The following TESPA1 variants were observed in gnomAD, a reference collection of about 807,000 sequenced individuals.
TESPA1 encodes thymocyte expressed, positive selection associated 1.
Under a neutral mutation model 57.9 loss-of-function variants are expected in TESPA1, and 33 were observed. The ratio of observed to expected loss-of-function variants is 0.57; its 90% confidence interval spans 0.43 to 0.76. The LOEUF (loss-of-function observed/expected upper bound fraction) is 0.76. Ranked by LOEUF, TESPA1 falls within the 30% of genes least tolerant of loss-of-function variation. The probability of loss-of-function intolerance (pLI) is 0.00; values close to 1 mark genes in which losing one functional copy is unlikely to be tolerated. For synonymous variants in TESPA1, 227 were observed against 228.9 expected (o/e 0.99, Z 0.07); for missense variants, 618 against 632.9 (o/e 0.98, Z 0.25).
At chr12:54,970,207 G>A (rs1373939348) in intron 3 of TESPA1, among the ~76,000 whole-genome samples, 4 of 152,112 alleles carry the variant, frequency 2.6e-5, no homozygotes, top group African/African-American at 9.7e-5. Context: ...CAAAGTGCTG[G>A]GGTTACAGGC....
chr12:54,973,864 G>A, intron 2 of TESPA1: 1 of 1,086,800 alleles, frequency 9.2e-7, no homozygotes, highest in Non-Finnish European at 1.1e-6. Context: ...TGTGCTTTTT[G>A]CTTCCTACCA....
intron 7 of TESPA1, among the ~76,000 whole-genome samples, chr12:54,965,500 C>T (rs2136122484): frequency 6.6e-6 from 1 of 152,264 alleles, no homozygotes; most frequent in Non-Finnish European, 1.5e-5. Context: ...CCAGCTCTAT[C>T]CATGTCCCTG....
intron 3 of TESPA1, among the ~76,000 whole-genome samples, chr12:54,969,100 A>G (rs967707898): frequency 2.8e-5 from 4 of 145,412 alleles, no homozygotes; most frequent in Non-Finnish European, 6.0e-5. Flanking sequence ...AACTCCTTTC[A>G]ATAGCAAAAA....
intron 3 of TESPA1, among the ~76,000 whole-genome samples, chr12:54,971,028 A>G (rs1488521380): frequency 6.6e-6 from 1 of 152,252 alleles, no homozygotes; most frequent in Non-Finnish European, 1.5e-5. Context: ...AAAGACATGC[A>G]TGATCAGATC....
At chr12:54,976,505 G>A (rs945560440) in intron 1 of TESPA1, among the ~76,000 whole-genome samples, 5 of 151,970 alleles carry the variant, frequency 3.3e-5, no homozygotes, top group African/African-American at 1.2e-4. Context: ...AGCCAGGAGG[G>A]CAGGAATGCA....
rs1478799699 is a variant in TESPA1, at chr12:54,949,784, G to A, written c.*608C>T. ...AGAAAGAAACTGGATTTAAGGAGGAGTCTCCAAGTTGATTTCTTCAAAGGA... is the reference window on the plus strand; with the variant it reads ...AGAAAGAAACTGGATTTAAGGAGGAATCTCCAAGTTGATTTCTTCAAAGGA... On this transcript the variant is annotated 3_prime_UTR_variant, in exon 11 of 11. Transcript: ENST00000449076. 6.6e-6 allele frequency: 1 copy of A among 152,440 alleles called. No individual in the cohort carries two copies. Among genetic ancestry groups the A allele is most frequent in the Non-Finnish European group, 1.5e-5 (1 of 68,034 alleles). The allele number at this position is 152,440 out of a possible 1,614,324, so 9.4% of individuals were successfully genotyped here.
chr12:54,975,165 G>A (rs1185851329), intron 1 of TESPA1, among the ~76,000 whole-genome samples: 1 of 151,106 alleles, frequency 6.6e-6, no homozygotes, highest in African/African-American at 2.4e-5. Context: ...GATTTTTTAT[G>A]TTCCTGTTTT....
In TESPA1 at chr12:54,962,416, C is replaced by T. The variant is rs772733961; in HGVS notation, c.1467+15G>A. 29 of 1,606,606 alleles carry T rather than the reference C, an allele frequency of 1.8e-5. No individual in the cohort carries two copies. The highest frequency in any genetic ancestry group is 2.1e-5 in the Non-Finnish European group (25 of 1,176,256). On this transcript the variant is annotated intron_variant, in intron 9 of 10. Transcript: ENST00000449076. ...CTTTCTCTGCCAGTCTCTCCCTCAC[C>T]TCCAACCCACTTACCTCCTCCAAGT...
chr12:54,968,112 T>C (rs1951564741), intron 3 of TESPA1: 2 of 1,168,742 alleles, frequency 1.7e-6, no homozygotes, highest in Non-Finnish European at 2.4e-6. Flanking sequence ...ATATTTTAGA[T>C]TGTGCTTCTG....
intron 7 of TESPA1, 47 bp downstream of exon 7, chr12:54,966,006 C>A (rs373018652): frequency 8.8e-5 from 135 of 1,533,138 alleles, no homozygotes; most frequent in Non-Finnish European, 9.7e-6. Flanking sequence ...TTCTCCTATG[C>A]TTCTCATCTT....
chr12:54,965,589 C>T (rs1303436480), intron 7 of TESPA1, among the ~76,000 whole-genome samples: 1 of 152,214 alleles, frequency 6.6e-6, no homozygotes, highest in Non-Finnish European at 1.5e-5. Flanking sequence ...TCCAGTCTAT[C>T]ACTGATGGGC....
At chr12:54,979,511 C>T (rs1031184334) in intron 1 of TESPA1, among the ~76,000 whole-genome samples, 4 of 152,166 alleles carry the variant, frequency 2.6e-5, no homozygotes, top group Admixed American at 1.3e-4. Context: ...TTTCTCTAGA[C>T]GTTCATTCCA....
At chr12:54,965,097 G>C (rs1951340039) in intron 7 of TESPA1, among the ~76,000 whole-genome samples, 1 of 152,152 alleles carries the variant, frequency 6.6e-6, no homozygotes. Context: ...CTTTTTCAAA[G>C]AGTTATTTGT....
At chr12:54,964,312 G>T (rs1234481163) in intron 7 of TESPA1, among the ~76,000 whole-genome samples, 1 of 152,206 alleles carries the variant, frequency 6.6e-6, no homozygotes, top group Non-Finnish European at 1.5e-5. Context: ...TCCCAAATTT[G>T]CCATCCGACT....
Position 54,950,109 on chromosome 12 carries a change from A to G in TESPA1, c.*283T>C, listed in dbSNP as rs956979065. ...ATCCACATTATATATTTTAATACACACATAGTAGAGAAACCAGTGTACAGA... is the reference window on the plus strand; with the variant it reads ...ATCCACATTATATATTTTAATACACGCATAGTAGAGAAACCAGTGTACAGA... On this transcript the variant is annotated 3_prime_UTR_variant, in exon 11 of 11. Coordinates refer to ENST00000449076, the MANE Select transcript of TESPA1 (RefSeq NM_001136030.3). 5.8e-6 allele frequency: 2 copies of G among 345,876 alleles called. No individual in the cohort carries two copies. Among genetic ancestry groups the G allele is most frequent in the Admixed American group, 7.5e-5 (2 of 26,750 alleles). 21.4% of individuals were successfully genotyped at this position (345,876 alleles called of 1,614,324 possible).
chr12:54,962,615 T>C lies in TESPA1; in HGVS notation c.1283A>G (p.Asp428Gly). Reference protein sequence around the residue: ...ATNTETHPAKDETFWKRKSRA... With the variant: ...ATNTETHPAKGETFWKRKSRA... ...GCTCTTTCTTTTCCAGAAAGTCTCA[T>C]CCTTGGCTGGATGGGTTTCCGTATT... Residue 428 changes from aspartate to glycine, a missense_variant, in exon 9 of 11, where the codon GAT becomes GGT. Transcript: ENST00000449076. 1.2e-6 allele frequency: 2 copies of C among 1,613,992 alleles called. No homozygotes were observed. Among genetic ancestry groups the C allele is most frequent in the Admixed American group, 1.7e-5 (1 of 60,028 alleles).
chr12:54,968,104 AT>A, intron 3 of TESPA1: 2 of 1,214,380 alleles, frequency 1.6e-6, no homozygotes, highest in Non-Finnish European at 2.3e-6. Flanking sequence ...AATGCACTAT[AT>A]TTTAGATTGT....
At chr12:54,953,418 C>G (rs1452735129) in intron 10 of TESPA1, among the ~76,000 whole-genome samples, 1 of 152,082 alleles carries the variant, frequency 6.6e-6, no homozygotes, top group Non-Finnish European at 1.5e-5. Context: ...CCTAGAATAT[C>G]AATATTCTGC....
intron 1 of TESPA1, among the ~76,000 whole-genome samples, chr12:54,980,216 G>C (rs1337236344): frequency 6.6e-6 from 1 of 152,168 alleles, no homozygotes; most frequent in Non-Finnish European, 1.5e-5. Flanking sequence ...TAGTCTAGTA[G>C]AGAAGAAGCA....
Sources: gnomAD v4.1 joint callset for allele counts (sites outside exome capture counted in the v4.1 genomes callset) on GRCh38, gnomAD v4.1.1 for gene constraint, MANE v1.5 for transcripts, NCBI Gene and HGNC (gene_info 2026-07-23, HGNC 2026-07-21) for gene names.